Variants in IGSF10 observed in about 807,000 individuals in gnomAD.
The protein encoded by IGSF10 is calvaria mechanical force protein 608.
A neutral mutation model predicts 128.2 loss-of-function variants in IGSF10; 126 were observed. The ratio of observed to expected loss-of-function variants is 0.98; its 90% CI spans 0.85 to 1.14. The LOEUF (loss-of-function observed/expected upper bound fraction) is 1.14. IGSF10 is among the 50% of genes most tolerant of loss of function. IGSF10 has a pLI of 0.00. For synonymous variants in IGSF10, 1,185 were observed against 1,146.2 expected (o/e 1.03, Z -0.68); for missense variants, 3,295 against 3,149.8 (o/e 1.05, Z -1.10).
At chr3:151,608,169 CA>C in the IGSF10 span, among the ~76,000 whole-genome samples, 92 of 152,176 alleles carry the variant, frequency 6.0e-4, no homozygotes, top group African/African-American at 2.2e-3. Flanking sequence ...TATGCTTTAG[CA>C]TATCCTTTTG....
Position 151,443,271 on chromosome 3 carries a change from G to A in IGSF10, c.5676C>T (p.Ser1892=). The A allele has an allele frequency of 1.9e-6, 3 of 1,612,096 alleles. No individual in the cohort carries two copies. The African/African-American group carries it at 4.0e-5, about 22-fold the overall frequency. ...TCCCATTTGAAAATAAGAACAACTT[G>A]GAATTGGTAAACTGTAATGGTTTCA... The part of the protein sequence containing the change: ...TEVKPLQFTN[S]KLFLFSNGTL... Residue 1892 remains serine, a synonymous_variant, in exon 7 of 8, where the codon TCC becomes TCT. Transcript: ENST00000282466.
the IGSF10 span, among the ~76,000 whole-genome samples, chr3:151,606,720 T>C: frequency 2.0e-5 from 3 of 152,142 alleles, no homozygotes; most frequent in Non-Finnish European, 2.9e-5. Context: ...CACACACACA[T>C]ACACACAGAC....
At chr3:151,613,362 G>A in the IGSF10 span, among the ~76,000 whole-genome samples, 53 of 152,198 alleles carry the variant, frequency 3.5e-4, no homozygotes, top group East Asian at 4.6e-3. Context: ...AGCCCGCATC[G>A]CCAAGTCAAT....
At chr3:151,588,203 A>G in the IGSF10 span, among the ~76,000 whole-genome samples, 3 of 152,348 alleles carry the variant, frequency 2.0e-5, no homozygotes, top group East Asian at 5.8e-4. Context: ...AGACAGATGC[A>G]TGAAAAGGAC....
chr3:151,502,448 C>T, the IGSF10 span, among the ~76,000 whole-genome samples: 1 of 151,940 alleles, frequency 6.6e-6, no homozygotes, highest in South Asian at 2.1e-4. Flanking sequence ...TTTTGGCATG[C>T]TATTTGTAGA....
chr3:151,501,249 C>T, the IGSF10 span, among the ~76,000 whole-genome samples: 1 of 151,958 alleles, frequency 6.6e-6, no homozygotes, highest in Admixed American at 6.6e-5. Context: ...TCCCTGTCTT[C>T]CGCACTTTTG....
At chr3:151,479,380 T>G in the IGSF10 span, among the ~76,000 whole-genome samples, 9 of 136,018 alleles carry the variant, frequency 6.6e-5, no homozygotes, top group African/African-American at 2.6e-4. Context: ...AAATTTATTT[T>G]TCACTCTTTT....
At chr3:151,609,867 A>G in the IGSF10 span, among the ~76,000 whole-genome samples, 2 of 152,164 alleles carry the variant, frequency 1.3e-5, no homozygotes, top group East Asian at 1.9e-4. Context: ...GCAGGAGCTG[A>G]TAACTGTCTA....
At chr3:151,558,582 C>G in the IGSF10 span, among the ~76,000 whole-genome samples, 20 of 151,726 alleles carry the variant, frequency 1.3e-4, no homozygotes, top group African/African-American at 4.6e-4. Flanking sequence ...GGCGTGATCT[C>G]AGCTCACTGC....
At chr3:151,580,561 A>G in the IGSF10 span, among the ~76,000 whole-genome samples, 1 of 152,212 alleles carries the variant, frequency 6.6e-6, no homozygotes, top group African/African-American at 2.4e-5. Context: ...ATTACTGGGA[A>G]AGCCTGTCAA....
In IGSF10 at chr3:151,437,455, A is replaced by C; in HGVS notation, c.7106T>G (p.Ile2369Arg). ...CSVDGNPPPE[I>R]IWILPNGTRF... ...TGTGCCATTTGGTAAAATCCAGATT[A>C]TTTCAGGTGGTGGGTTACCATCAAC... Residue 2369 changes from isoleucine (I) to arginine (R), a missense_variant, in exon 8 of 8, where the codon ATA becomes AGA. Coordinates refer to ENST00000282466, the MANE Select transcript of IGSF10 (RefSeq NM_178822.5). 1 of 1,614,194 alleles carries C rather than the reference A, an allele frequency of 6.2e-7. No individual in the cohort carries two copies. The highest frequency in any genetic ancestry group is 8.5e-7 in the Non-Finnish European group (1 of 1,180,024).
chr3:151,603,428 G>A, the IGSF10 span, among the ~76,000 whole-genome samples: 1 of 152,194 alleles, frequency 6.6e-6, no homozygotes, highest in Non-Finnish European at 1.5e-5. Flanking sequence ...GTTTGCTGTT[G>A]TAAATTTTAT....
At chr3:151,580,069 A>G in the IGSF10 span, among the ~76,000 whole-genome samples, 1 of 152,146 alleles carries the variant, frequency 6.6e-6, no homozygotes, top group African/African-American at 2.4e-5. Context: ...ACAACCAAGC[A>G]CCACGGCTCA....
chr3:151,570,043 G>T, the IGSF10 span, among the ~76,000 whole-genome samples: 1 of 152,240 alleles, frequency 6.6e-6, no homozygotes, highest in East Asian at 1.9e-4. Flanking sequence ...CTTCATCCGT[G>T]TCCCTACAAA....
chr3:151,570,572 TG>T, the IGSF10 span, among the ~76,000 whole-genome samples: 1 of 152,264 alleles, frequency 6.6e-6, no homozygotes, highest in South Asian at 2.1e-4. Flanking sequence ...GCTCACTTTT[TG>T]ATGGGGTTGT....
At chr3:151,507,520 G>A in the IGSF10 span, among the ~76,000 whole-genome samples, 1 of 152,136 alleles carries the variant, frequency 6.6e-6, no homozygotes, top group Admixed American at 6.6e-5. Flanking sequence ...ATAAAGAAAG[G>A]AGATTTAATT....
At chr3:151,516,947 G>A in the IGSF10 span, among the ~76,000 whole-genome samples, 1 of 151,608 alleles carries the variant, frequency 6.6e-6, no homozygotes, top group African/African-American at 2.4e-5. Flanking sequence ...ATATAATTCT[G>A]ATTTCCCACC....
chr3:151,562,188 G>A, the IGSF10 span, among the ~76,000 whole-genome samples: 1 of 152,096 alleles, frequency 6.6e-6, no homozygotes, highest in Non-Finnish European at 1.5e-5. Context: ...GCCAAGGTGG[G>A]AATGAGAGTG....
At chr3:151,509,434 G>A in the IGSF10 span, among the ~76,000 whole-genome samples, 2 of 152,176 alleles carry the variant, frequency 1.3e-5, no homozygotes, top group African/African-American at 4.8e-5. Flanking sequence ...GACTTATGGA[G>A]AACCAAGACG....
Sources: gnomAD v4.1 joint callset for allele counts (sites outside exome capture counted in the v4.1 genomes callset) on GRCh38, gnomAD v4.1.1 for gene constraint, MANE v1.5 for transcripts, NCBI Gene and HGNC (gene_info 2026-07-23, HGNC 2026-07-21) for gene names.